The following KLHL41 variants were observed in gnomAD, a reference collection of about 807,000 sequenced individuals.
KLHL41 encodes kelch like family member 41.
A neutral mutation model predicts 49.2 loss-of-function variants in KLHL41; 31 were observed. The observed-to-expected ratio is 0.63, with a 90% CI of 0.47 to 0.85. KLHL41 has a LOEUF of 0.85. Among genes scored for constraint, KLHL41 ranks in the 40% least tolerant of loss-of-function variants. The pLI, the probability that KLHL41 is intolerant of heterozygous loss-of-function variation, is 0.00. For synonymous variants in KLHL41, 218 were observed against 258.5 expected, an observed-to-expected ratio of 0.84 and a Z score of 1.50; for missense variants, 663 against 726.7, an observed-to-expected ratio of 0.91 and a Z score of 1.01.
intron 4 of KLHL41, among the ~76,000 whole-genome samples, chr2:169,519,012 G>T (rs1340783108): frequency 6.6e-6 from 1 of 151,952 alleles, no homozygotes; most frequent in Non-Finnish European, 1.5e-5. Flanking sequence ...GGATATACAT[G>T]TCTCTGTGGA....
At chr2:169,523,350 T>G (rs770001475) in intron 5 of KLHL41, among the ~76,000 whole-genome samples, 35 of 152,164 alleles carry the variant, frequency 2.3e-4, no homozygotes, top group Non-Finnish European at 4.7e-4. Context: ...CCCACTTATA[T>G]TGACTGCAAT....
chr2:169,522,413 G>C (rs1684216505), intron 5 of KLHL41, among the ~76,000 whole-genome samples: 1 of 152,164 alleles, frequency 6.6e-6, no homozygotes, highest in Non-Finnish European at 1.5e-5. Flanking sequence ...AAAAAAATGA[G>C]ATTTCCACGG....
At chr2:169,522,444 C>T (rs1559132612) in intron 5 of KLHL41, among the ~76,000 whole-genome samples, 2 of 151,882 alleles carry the variant, frequency 1.3e-5, no homozygotes. Flanking sequence ...CTAGAATTAG[C>T]AAAACAGTGA....
intron 1 of KLHL41, chr2:169,514,321 T>G: frequency 9.0e-6 from 3 of 333,032 alleles, no homozygotes; most frequent in Non-Finnish European, 1.1e-5. Flanking sequence ...CCTCTGGTGA[T>G]TCTATTTTAT....
rs1341717914 is a variant in KLHL41 at position 169,526,126 on chromosome 2, A to C, written c.*430A>C. On this transcript the variant is annotated 3_prime_UTR_variant, in exon 6 of 6. Coordinates refer to ENST00000284669, the MANE Select transcript of KLHL41 (RefSeq NM_006063.3). ...CTCCTCGTGCTTCAAAATGACAGGA[A>C]TCCTGTGCATTATACTAAGAATTAC... 1 of 153,004 alleles carries C rather than the reference A, an allele frequency of 6.5e-6. No homozygotes were observed. The highest frequency in any genetic ancestry group is 1.5e-5 in the Non-Finnish European group (1 of 68,554). 9.5% of individuals were successfully genotyped at this position (153,004 alleles called of 1,614,324 possible).
rs1179180423 is a variant in KLHL41 at position 169,525,771 on chromosome 2, A to G, written c.*75A>G. ...GGGCTTTAATTTATTCTGTTTTTTA[A>G]AAGCTTGTACAGACACTCATGTAGA... On this transcript the variant is annotated 3_prime_UTR_variant, in exon 6 of 6. Coordinates refer to ENST00000284669, the MANE Select transcript of KLHL41 (RefSeq NM_006063.3). 5 of 836,314 alleles carry G rather than the reference A, an allele frequency of 6.0e-6. No individual in the cohort carries two copies. Among genetic ancestry groups the G allele is most frequent in the Non-Finnish European group, 9.9e-6 (5 of 507,296 alleles). The allele number at this position is 836,314 out of a possible 1,614,324, so 51.8% of individuals were successfully genotyped here. A position where few individuals can be genotyped will look rare whatever the true frequency, so the allele number is the denominator to read the frequency against.
In KLHL41 at chr2:169,525,751, T is replaced by TTAA. The variant is rs1237293887; in HGVS notation, c.*57_*59dup. 2.7e-5 allele frequency: 26 copies of TTAA among 963,954 alleles called. No homozygotes were observed. Among genetic ancestry groups the TTAA allele is most frequent in the Non-Finnish European group, 4.1e-5 (25 of 604,238 alleles). 59.7% of individuals were successfully genotyped at this position (963,954 alleles called of 1,614,324 possible). A position where few individuals can be genotyped will look rare whatever the true frequency, so the allele number is the denominator to read the frequency against. On this transcript the variant is annotated 3_prime_UTR_variant, in exon 6 of 6. Coordinates refer to ENST00000284669, the MANE Select transcript of KLHL41 (RefSeq NM_006063.3). ...GGTGGTTTGTTTGGTGAATGGGGCT[T>TTAA]TAATTTATTCTGTTTTTTAAAAGCT...
Position 169,525,709 on chromosome 2 carries a change from A to T in KLHL41, c.*13A>T, listed in dbSNP as rs376821362. On this transcript the variant is annotated 3_prime_UTR_variant, in exon 6 of 6. Coordinates refer to ENST00000284669, the MANE Select transcript of KLHL41 (RefSeq NM_006063.3). ...GTCTAAACTGTGAACAAGGTGACAA[A>T]ACATAATAGATTGGGAGGTGGTTTG... 8.1e-6 allele frequency: 12 copies of T among 1,475,368 alleles called. No homozygotes were observed. The highest frequency in any genetic ancestry group is 1.1e-5 in the Non-Finnish European group (12 of 1,054,752). The allele number at this position is 1,475,368 out of a possible 1,614,324, so 91.4% of individuals were successfully genotyped here.
chr2:169,517,153 C>G (rs1375698744), intron 3 of KLHL41, among the ~76,000 whole-genome samples: 3 of 152,206 alleles, frequency 2.0e-5, no homozygotes, highest in Non-Finnish European at 2.9e-5. Context: ...GGAAATGCTT[C>G]TACTCCAGAT....
At position 169,512,195 on chromosome 2, in the gene KLHL41, T is replaced by G. The variant is rs76926239; in HGVS notation, c.1110+1307T>G. 8.7e-3 allele frequency among the ~76,000 whole-genome samples: 1,332 copies of G among 152,342 alleles called. 24 individuals carry two copies. The highest frequency in any genetic ancestry group is 0.03 in the African/African-American group (1,255 of 41,580). On this transcript the variant is annotated intron_variant, in intron 1 of 5. Coordinates refer to ENST00000284669, the MANE Select transcript of KLHL41 (RefSeq NM_006063.3). ...TTGTGATAATACATATTAATCATGT[T>G]TCTTAATTTTCAAAGTTCCAGTGAA... is the stretch of plus-strand genomic sequence containing the variant.
chr2:169,524,418 C>CTTTTTTT (rs113248017), intron 5 of KLHL41, among the ~76,000 whole-genome samples: 5 of 116,028 alleles, frequency 4.3e-5, no homozygotes, highest in Non-Finnish European at 7.3e-5. Flanking sequence ...TGGGGTAAAT[C>CTTTTTTT]TTTTTTTTTT....
chr2:169,512,092 C>T (rs574700635), intron 1 of KLHL41, among the ~76,000 whole-genome samples: 2 of 152,318 alleles, frequency 1.3e-5, no homozygotes, highest in African/African-American at 4.8e-5. Flanking sequence ...AGTATGCTCT[C>T]AAAGTGTGTG....
chr2:169,523,206 C>G (rs1384216886), intron 5 of KLHL41, among the ~76,000 whole-genome samples: 1 of 152,120 alleles, frequency 6.6e-6, no homozygotes, highest in Non-Finnish European at 1.5e-5. Flanking sequence ...TAAAAGTGGC[C>G]CTGACATTGT....
intron 1 of KLHL41, among the ~76,000 whole-genome samples, chr2:169,511,315 G>A (rs1389370409): frequency 6.6e-6 from 1 of 152,152 alleles, no homozygotes; most frequent in Non-Finnish European, 1.5e-5. Flanking sequence ...TTCCCAAAGT[G>A]CTGGGATTAC....
chr2:169,516,397 T>C (rs991138352), intron 3 of KLHL41, among the ~76,000 whole-genome samples: 1 of 152,186 alleles, frequency 6.6e-6, no homozygotes, highest in Non-Finnish European at 1.5e-5. Context: ...AATTTTTATA[T>C]CCTCCCTAAT....
intron 5 of KLHL41, among the ~76,000 whole-genome samples, chr2:169,524,972 TTCAGC>T (rs1387931359): frequency 1.3e-5 from 2 of 152,174 alleles, no homozygotes; most frequent in African/African-American, 4.8e-5. Context: ...AGCAGACATG[TTCAGC>T]ACACATCGTA....
chr2:169,525,565 C>A lies in KLHL41; in HGVS notation c.1710-20C>A. 7.0e-7 allele frequency: 1 copy of A among 1,423,740 alleles called. No individual in the cohort carries two copies. Among genetic ancestry groups the A allele is most frequent in the Non-Finnish European group, 9.9e-7 (1 of 1,010,288 alleles). 88.2% of individuals were successfully genotyped at this position (1,423,740 alleles called of 1,614,324 possible). On this transcript the variant is annotated intron_variant, in intron 5 of 5. Transcript: ENST00000284669. ...TGGAACTAAAGCTGCTTATTGATTA[C>A]TTTTTTTTTCCTCCATCAGGTATGA...
At position 169,526,221 on chromosome 2, in the gene KLHL41, G is replaced by C. The variant is rs1180251720; in HGVS notation, c.*525G>C. ...AATGGATGGGGAAATCGTTTGATGG[G>C]GAAAAGTCTCTTGTAAGTAAAAGTA... On this transcript the variant is annotated 3_prime_UTR_variant, in exon 6 of 6. Transcript: ENST00000284669. The C allele has an allele frequency of 6.6e-6, 1 of 152,180 alleles. No homozygotes were observed. Among genetic ancestry groups the C allele is most frequent in the Admixed American group, 6.5e-5 (1 of 15,276 alleles). The allele number at this position is 152,180 out of a possible 1,614,324, so 9.4% of individuals were successfully genotyped here. A position where few individuals can be genotyped will look rare whatever the true frequency, so the allele number is the denominator to read the frequency against.
chr2:169,512,887 T>C (rs1371521257), intron 1 of KLHL41, among the ~76,000 whole-genome samples: 3 of 152,060 alleles, frequency 2.0e-5, no homozygotes, highest in African/African-American at 7.3e-5. Flanking sequence ...TTTTTTACCT[T>C]GGTAAGGGAG....
Sources: allele counts gnomAD v4.1 joint callset (sites outside exome capture counted in the v4.1 genomes callset), GRCh38; gene constraint gnomAD v4.1.1; transcripts MANE v1.5; gene names NCBI Gene and HGNC (gene_info 2026-07-23, HGNC 2026-07-21).